PTCH1: variants seen among roughly 807,000 people sequenced by gnomAD.
The protein encoded by PTCH1 is patched 1.
A neutral mutation model predicts 144.6 loss-of-function variants in PTCH1; 14 were observed. The observed-to-expected ratio is 0.10, with a 90% confidence interval of 0.06 to 0.15. The LOEUF (loss-of-function observed/expected upper bound fraction) is 0.15. PTCH1 is among the 10% of genes least tolerant of loss of function. The pLI, the probability that PTCH1 is intolerant of heterozygous loss-of-function variation, is 1.00. For synonymous variants in PTCH1, 833 were observed against 793.6 expected, an observed-to-expected ratio of 1.05 and a Z score of -0.83; for missense variants, 1,623 against 1,948.3, an observed-to-expected ratio of 0.83 and a Z score of 3.14.
intron 2 of PTCH1, among the ~76,000 whole-genome samples, chr9:95,489,187 G>A (rs1458714700): frequency 6.6e-6 from 1 of 152,154 alleles, no homozygotes; most frequent in African/African-American, 2.4e-5. Context: ...CCTAGCAAAC[G>A]CCTATCCTAA....
chr9:95,510,725 G>C (rs1322578639), upstream of PTCH1, among the ~76,000 whole-genome samples: 1 of 149,390 alleles, frequency 6.7e-6, no homozygotes, highest in Non-Finnish European at 1.5e-5. Context: ...CACGGTGTAT[G>C]TTCATTGAAA....
chr9:95,516,021 A>C (rs1844347324), intron 1 of PTCH1, among the ~76,000 whole-genome samples: 1 of 151,716 alleles, frequency 6.6e-6, no homozygotes. Context: ...CACTCTCCGC[A>C]CCAGCCCTTC....
At chr9:95,494,542 TC>T in intron 2 of PTCH1, 2 of 824,230 alleles carry the variant, frequency 2.4e-6, no homozygotes, top group Non-Finnish European at 2.9e-6. Context: ...CTGGGAACTG[TC>T]CCAGGTTCTA....
rs1839635005 is a variant in PTCH1 at position 95,462,945 on chromosome 9, T to G, written c.2561-947A>C. ...AAAACAGGGCCCCGGTGACCCGGCC[T>G]TAGGGTCTGAGCGCTGGCTGGTGCG... On this transcript the variant is annotated intron_variant, in intron 15 of 23. Transcript: ENST00000331920. 2.0e-5 allele frequency among the ~76,000 whole-genome samples: 3 copies of G among 152,256 alleles called. 1 individual carries two copies. The South Asian group carries it at 6.2e-4, about 32-fold the overall frequency.
intron 2 of PTCH1, among the ~76,000 whole-genome samples, chr9:95,498,272 A>G (rs1302186987): frequency 6.6e-6 from 1 of 152,206 alleles, no homozygotes; most frequent in African/African-American, 2.4e-5. Flanking sequence ...CCTTGCTTTC[A>G]TAGCAGTGGC....
In PTCH1 at chr9:95,453,532, G is replaced by C; in HGVS notation, c.3395C>G (p.Ser1132Cys). 6.2e-7 allele frequency: 1 copy of C among 1,614,142 alleles called. No homozygotes were observed. The part of the protein sequence containing the change: ...MFAPVLDGAV[S>C]TLLGVLMLAG... ...CAGCATCAGCACTCCCAGCAGAGTG[G>C]ACACGGCGCCATCCAGGACGGGTGC... The change falls in exon 20 of 24, where the codon TCC (serine) becomes TGC (cysteine). Residue 1132 changes from serine to cysteine, a missense_variant. By Grantham distance (112) the Ser-to-Cys change is moderately radical (BLOSUM62 -1). This residue lies in a region of PTCH1 where 504 missense variants were observed against 679.3 expected (regional missense o/e 0.74). Coordinates refer to ENST00000331920, the MANE Select transcript of PTCH1 (RefSeq NM_000264.5).
intron 2 of PTCH1, among the ~76,000 whole-genome samples, chr9:95,495,784 C>G (rs1037209859): frequency 6.6e-6 from 1 of 152,078 alleles, no homozygotes; most frequent in African/African-American, 2.4e-5. Context: ...GGAAGAAAAA[C>G]AAAACAGAAC....
upstream of PTCH1, among the ~76,000 whole-genome samples, chr9:95,512,104 G>C (rs1844186638): frequency 6.6e-6 from 1 of 152,228 alleles, no homozygotes; most frequent in Non-Finnish European, 1.5e-5. Flanking sequence ...TCCGCACGCG[G>C]CTGCATGTCC....
In PTCH1 at chr9:95,447,270, C is replaced by T. The variant is rs2136579985; in HGVS notation, c.3986G>A (p.Gly1329Glu). 1 of 1,613,004 alleles carries T rather than the reference C, an allele frequency of 6.2e-7. No homozygotes were observed. The highest frequency in any genetic ancestry group is 8.5e-7 in the Non-Finnish European group (1 of 1,179,948). Residue 1329 changes from glycine to glutamate, a missense_variant, in exon 23 of 24, where the codon GGG becomes GAG. By Grantham distance (98) the Gly-to-Glu change is moderately conservative. Around this residue, in one of 7 missense-constraint regions of PTCH1, gnomAD observed 291 missense variants for 287.4 expected, o/e 1.01. Coordinates refer to ENST00000331920, the MANE Select transcript of PTCH1 (RefSeq NM_000264.5). ...GGCCCTATTGCTAGGGCCAGAATGC[C>T]CTTCAGTAGAAATTTCAAAAGCGTC... ...RRDAFEISTE[G>E]HSGPSNRARW...
chr9:95,497,203 T>C (rs1224454922), intron 2 of PTCH1, among the ~76,000 whole-genome samples: 2 of 152,122 alleles, frequency 1.3e-5, no homozygotes, highest in Non-Finnish European at 2.9e-5. Flanking sequence ...AAACCCTGAG[T>C]GTAGTCACTC....
rs570668844 is a variant in PTCH1 at position 95,506,782 on chromosome 9, A to G, written c.202-183T>C. 1.1e-5 allele frequency: 12 copies of G among 1,082,990 alleles called. No individual in the cohort carries two copies. In the African/African-American group the frequency reaches 2.0e-4, roughly 18 times the overall value. The allele number at this position is 1,082,990 out of a possible 1,614,324, so 67.1% of individuals were successfully genotyped here. ...TCTGAGCGTCATGGGGGGCTCGGTC[A>G]TAAAGCCGGGCCGCAGCGTGGGAGC... On this transcript the variant is annotated intron_variant, in intron 1 of 23. Coordinates refer to ENST00000331920, the MANE Select transcript of PTCH1 (RefSeq NM_000264.5).
intron 18 of PTCH1, among the ~76,000 whole-genome samples, chr9:95,456,754 G>A (rs1838968326): frequency 6.6e-6 from 1 of 152,014 alleles, no homozygotes; most frequent in Non-Finnish European, 1.5e-5. Context: ...TCACTTAGCT[G>A]CGAATTTCAC....
chr9:95,473,621 C>T (rs190656437), intron 12 of PTCH1, among the ~76,000 whole-genome samples: 7 of 151,312 alleles, frequency 4.6e-5, no homozygotes, highest in Admixed American at 1.3e-4. Context: ...CTCAGCTCAC[C>T]GCAACCTCCG....
rs587780697 is a variant in PTCH1, at chr9:95,468,824, G to A, written c.2177C>T (p.Pro726Leu). Residue 726 changes from proline to leucine, a missense_variant, in exon 14 of 24, where the codon CCC (proline) becomes CTC (leucine). Pro to Leu is a moderately conservative substitution (Grantham distance 98). This residue lies in a region of PTCH1 where 179 missense variants were observed against 165.7 expected (regional missense o/e 1.08). Transcript: ENST00000331920. ...SDSSLHCLEP[P>L]CTKWTLSSFA... Reference sequence around the variant, plus strand: ...AGATGAGAGTGTCCACTTCGTACAGGGGGGCTCGAGGCAGTGGAGGCTGGA... The same window carrying A: ...AGATGAGAGTGTCCACTTCGTACAGAGGGGCTCGAGGCAGTGGAGGCTGGA... 1.2e-6 allele frequency: 2 copies of A among 1,614,140 alleles called. No homozygotes were observed.
intron 15 of PTCH1, among the ~76,000 whole-genome samples, chr9:95,463,000 AC>A (rs1489498810): frequency 5.0e-5 from 4 of 80,402 alleles, no homozygotes; most frequent in Non-Finnish European, 1.1e-4. Context: ...CCCTCCCCCC[AC>A]CCACCCTTGC....
At position 95,453,549 on chromosome 9, in the gene PTCH1, G is replaced by C; in HGVS notation, c.3378C>G (p.Val1126=). Residue 1126 remains valine (V), a synonymous_variant, in exon 20 of 24, where the codon GTC becomes GTG. Coordinates refer to ENST00000331920, the MANE Select transcript of PTCH1 (RefSeq NM_000264.5). The part of the protein sequence containing the change: ...VLALEHMFAP[V]LDGAVSTLLG... ...GCAGAGTGGACACGGCGCCATCCAG[G>C]ACGGGTGCAAACATGTGCTCCAGGG... 1 of 1,614,138 alleles carries C rather than the reference G, an allele frequency of 6.2e-7. No individual in the cohort carries two copies. The highest frequency in any genetic ancestry group is 8.5e-7 in the Non-Finnish European group (1 of 1,180,048).
At chr9:95,516,012 ACT>A (rs1844346916) in intron 1 of PTCH1, among the ~76,000 whole-genome samples, 1 of 150,592 alleles carries the variant, frequency 6.6e-6, no homozygotes, top group African/African-American at 2.4e-5. Flanking sequence ...CGGCGCTGTC[ACT>A]CTCCGCACCA....
intron 2 of PTCH1, 110 bp from the exon 3 acceptor site, chr9:95,485,984 T>C (rs1339149802): frequency 1.7e-6 from 2 of 1,162,406 alleles, no homozygotes; most frequent in Non-Finnish European, 2.6e-6. Flanking sequence ...ACTCTAGTCA[T>C]GAGACTGGCT....
chr9:95,458,658 G>A lies in PTCH1; in HGVS notation c.2888-365C>T, dbSNP rs1180509840. On this transcript the variant is annotated intron_variant, in intron 17 of 23. Transcript: ENST00000331920. This position sits in a 1 kb window ranked among gnomAD's most constrained non-coding sequence, Gnocchi z 4.7. ...CACTTGCAAGAGCAAAAGAACTCAA[G>A]AGTCATGCTTTCCTGAGAAAAATGC... Among the ~76,000 whole-genome samples, 1 of 152,218 alleles carries A rather than the reference G, an allele frequency of 6.6e-6. No individual in the cohort carries two copies. Among genetic ancestry groups the A allele is most frequent in the African/African-American group, 2.4e-5 (1 of 41,462 alleles).
Sources: allele counts gnomAD v4.1 joint callset (sites outside exome capture counted in the v4.1 genomes callset), GRCh38; gene constraint gnomAD v4.1.1; regional missense constraint gnomAD v4.1.1; non-coding constraint Gnocchi (gnomAD v3.1); transcripts MANE v1.5; gene names NCBI Gene and HGNC (gene_info 2026-07-23, HGNC 2026-07-21).